Variants in ZC3H14 observed in about 807,000 individuals in gnomAD.
The protein encoded by ZC3H14 is zinc finger CCCH-type containing 14.
In ZC3H14, 31 loss-of-function variants were observed where a neutral mutation model predicts 92.4. That is an observed-to-expected ratio of 0.34 (90% confidence interval 0.25 to 0.45). The LOEUF (loss-of-function observed/expected upper bound fraction) is 0.45, where lower values mean the gene tolerates loss of function less well. Among genes scored for constraint, ZC3H14 ranks in the 20% least tolerant of loss-of-function variants. The probability of loss-of-function intolerance (pLI) is 1.00; values close to 1 mark genes in which losing one functional copy is unlikely to be tolerated. For synonymous variants in ZC3H14, 321 were observed against 300.9 expected (o/e 1.07, Z -0.69); for missense variants, 781 against 897.3 (o/e 0.87, Z 1.66).
chr14:88,565,822 C>T (rs1224487180), intron 2 of ZC3H14, among the ~76,000 whole-genome samples: 1 of 151,882 alleles, frequency 6.6e-6, no homozygotes, highest in Non-Finnish European at 1.5e-5. Context: ...GCACATAGAA[C>T]AAGATATATA....
intron 9 of ZC3H14, among the ~76,000 whole-genome samples, chr14:88,595,815 A>T (rs1264353116): frequency 6.6e-6 from 1 of 152,192 alleles, no homozygotes; most frequent in African/African-American, 2.4e-5. Context: ...CCTGTAATGG[A>T]TATACCCAAA....
Position 88,618,378 on chromosome 14 carries a change from A to G in ZC3H14, c.*6627A>G, listed in dbSNP as rs2088121977. ...GGACAAGAATTCCATTAGGTGAGAG[A>G]CAAAATCCACAGGGGGTTTACAGAA... On this transcript the variant is annotated 3_prime_UTR_variant, in exon 17 of 17. Transcript: ENST00000251038. The G allele has an allele frequency of 6.6e-7, 1 of 1,511,396 alleles. No individual in the cohort carries two copies. Among genetic ancestry groups the G allele is most frequent in the Non-Finnish European group, 9.2e-7 (1 of 1,090,934 alleles). The allele number at this position is 1,511,396 out of a possible 1,614,324, so 93.6% of individuals were successfully genotyped here.
At chr14:88,575,567 G>T (rs2081056560) in intron 7 of ZC3H14, among the ~76,000 whole-genome samples, 1 of 152,028 alleles carries the variant, frequency 6.6e-6, no homozygotes, top group African/African-American at 2.4e-5. Flanking sequence ...ATTGTGGCAG[G>T]CACCTGTAGT....
Position 88,610,824 on chromosome 14 carries a change from C to A in ZC3H14, c.2098-10C>A, listed in dbSNP as rs1310589939. The A allele has an allele frequency of 6.2e-7, 1 of 1,610,364 alleles. No homozygotes were observed. The highest frequency in any genetic ancestry group is 8.5e-7 in the Non-Finnish European group (1 of 1,176,654). ...GTGGATATTGTTGAAGCTCTGTTAT[C>A]TCTATTCAGCATTGTAGGTTTAACA... On this transcript the variant is annotated splice_polypyrimidine_tract_variant and intron_variant, in intron 15 of 16. Transcript: ENST00000251038.
At position 88,621,677 on chromosome 14, in the gene ZC3H14, CAATTTA is replaced by C. The variant is rs1391271483; in HGVS notation, c.*9928_*9933del. 5 of 273,102 alleles carry C rather than the reference CAATTTA, an allele frequency of 1.8e-5. No homozygotes were observed. Among genetic ancestry groups the C allele is most frequent in the African/African-American group, 1.1e-4 (5 of 45,290 alleles). 16.9% of individuals were successfully genotyped at this position (273,102 alleles called of 1,614,324 possible). A position where few individuals can be genotyped will look rare whatever the true frequency, so the allele number is the denominator to read the frequency against. On this transcript the variant is annotated 3_prime_UTR_variant, in exon 17 of 17. Transcript: ENST00000251038. The stretch of plus-strand genomic sequence containing the variant: ...TAGTTAAAAAGTAAAAGCTTAACTA[CAATTTA>C]ATATGCAGGCTGAAGATAATATCCG...
rs2089860054 is a variant in ZC3H14 at position 88,625,840 on chromosome 14, C to CT, written c.*14090dup. 1 of 152,168 alleles carries CT rather than the reference C, an allele frequency of 6.6e-6. No homozygotes were observed. Among genetic ancestry groups the CT allele is most frequent in the South Asian group, 2.1e-4 (1 of 4,830 alleles). The allele number at this position is 152,168 out of a possible 1,614,324, so 9.4% of individuals were successfully genotyped here. A position where few individuals can be genotyped will look rare whatever the true frequency, so the allele number is the denominator to read the frequency against. ...AAATATTCTAAAATTATAACTTTTC[C>CT]TATAAGTATTGCATAATCACAAAAA... On this transcript the variant is annotated 3_prime_UTR_variant, in exon 17 of 17. Coordinates refer to ENST00000251038, the MANE Select transcript of ZC3H14 (RefSeq NM_024824.5).
Position 88,622,799 on chromosome 14 carries a change from C to T in ZC3H14, c.*11048C>T. ...TTATAAACAAATACCAAGTTATAAG[C>T]AGAATCTTTTTTTTTTAAAAAGGCC... On this transcript the variant is annotated 3_prime_UTR_variant, in exon 17 of 17. Coordinates refer to ENST00000251038, the MANE Select transcript of ZC3H14 (RefSeq NM_024824.5). 1.1e-6 allele frequency: 1 copy of T among 890,048 alleles called. No individual in the cohort carries two copies. Among genetic ancestry groups the T allele is most frequent in the Non-Finnish European group, 1.5e-6 (1 of 661,114 alleles). 55.1% of individuals were successfully genotyped at this position (890,048 alleles called of 1,614,324 possible). A position where few individuals can be genotyped will look rare whatever the true frequency, so the allele number is the denominator to read the frequency against.
intron 9 of ZC3H14, among the ~76,000 whole-genome samples, chr14:88,585,568 G>A (rs896260945): frequency 1.4e-4 from 22 of 151,874 alleles, no homozygotes; most frequent in African/African-American, 5.3e-4. Context: ...ATAGAGACGA[G>A]GTTTCACCAT....
At position 88,615,963 on chromosome 14, in the gene ZC3H14, CT is replaced by C; in HGVS notation, c.*4215del. Reference sequence around the variant, plus strand: ...AGGTTACATGTGTAATATTTTTCCTCTTTAACTCCTTTTATTCTGTATTTGC... The same window carrying C: ...AGGTTACATGTGTAATATTTTTCCTCTTAACTCCTTTTATTCTGTATTTGC... On this transcript the variant is annotated 3_prime_UTR_variant, in exon 17 of 17. Coordinates refer to ENST00000251038, the MANE Select transcript of ZC3H14 (RefSeq NM_024824.5). The C allele has an allele frequency of 7.5e-7, 1 of 1,330,970 alleles. No homozygotes were observed. 82.4% of individuals were successfully genotyped at this position (1,330,970 alleles called of 1,614,324 possible). A position where few individuals can be genotyped will look rare whatever the true frequency, so the allele number is the denominator to read the frequency against.
In ZC3H14 at chr14:88,612,837, TTTAGAG is replaced by T. The variant is rs2140188977; in HGVS notation, c.*1090_*1095del. ...TGTTAAGGCAAGAAGTGTCAAATGC[TTTAGAG>T]TTAAATAACAGATCACTGATTTCAA... On this transcript the variant is annotated 3_prime_UTR_variant, in exon 17 of 17. Coordinates refer to ENST00000251038, the MANE Select transcript of ZC3H14 (RefSeq NM_024824.5). 6.5e-6 allele frequency: 1 copy of T among 152,742 alleles called. No homozygotes were observed. Among genetic ancestry groups the T allele is most frequent in the Non-Finnish European group, 1.5e-5 (1 of 68,040 alleles). 9.5% of individuals were successfully genotyped at this position (152,742 alleles called of 1,614,324 possible). A position where few individuals can be genotyped will look rare whatever the true frequency, so the allele number is the denominator to read the frequency against.
At position 88,626,575 on chromosome 14, in the gene ZC3H14, C is replaced by T. The variant is rs2089972796; in HGVS notation, c.*14824C>T. 4.6e-6 allele frequency: 2 copies of T among 430,600 alleles called. No homozygotes were observed. The highest frequency in any genetic ancestry group is 2.5e-5 in the South Asian group (1 of 39,380). 26.7% of individuals were successfully genotyped at this position (430,600 alleles called of 1,614,324 possible). ...GAGGCTACAGTGAGCTATAATCGCA[C>T]CATTGCACCCCAGCCCAGGCGACAG... On this transcript the variant is annotated 3_prime_UTR_variant, in exon 17 of 17. Transcript: ENST00000251038.
At position 88,621,761 on chromosome 14, in the gene ZC3H14, G is replaced by T; in HGVS notation, c.*10010G>T. 3.0e-6 allele frequency: 1 copy of T among 336,560 alleles called. No homozygotes were observed. The highest frequency in any genetic ancestry group is 5.9e-6 in the Non-Finnish European group (1 of 168,190). The allele number at this position is 336,560 out of a possible 1,614,324, so 20.8% of individuals were successfully genotyped here. ...ACAAACACGCTCAAAAATTTTCATA[G>T]GAGTTGTAGTTTTGAATTTTTATTT... On this transcript the variant is annotated 3_prime_UTR_variant, in exon 17 of 17. Transcript: ENST00000251038.
Position 88,616,074 on chromosome 14 carries a change from G to A in ZC3H14, c.*4323G>A. On this transcript the variant is annotated 3_prime_UTR_variant, in exon 17 of 17. Coordinates refer to ENST00000251038, the MANE Select transcript of ZC3H14 (RefSeq NM_024824.5). ...CTGATTTCATAAACCAAAGCTGTAG[G>A]AGTTGTTGTATTAAGTCTCTTAACT... is the stretch of plus-strand genomic sequence containing the variant. 6.6e-7 allele frequency: 1 copy of A among 1,515,916 alleles called. No homozygotes were observed. The allele number at this position is 1,515,916 out of a possible 1,614,324, so 93.9% of individuals were successfully genotyped here.
At chr14:88,599,595 A>G (rs1411114162) in intron 10 of ZC3H14, among the ~76,000 whole-genome samples, 3 of 152,064 alleles carry the variant, frequency 2.0e-5, no homozygotes, top group African/African-American at 7.2e-5. Context: ...GGGTTCCCAT[A>G]CTTTCTCCAA....
intron 9 of ZC3H14, chr14:88,589,852 G>T (rs140633152): frequency 0.015 from 2,300 of 152,856 alleles, 42 homozygotes; most frequent in South Asian, 0.076. Flanking sequence ...CTGTCTGGCC[G>T]GGTGCGGTGG....
intron 9 of ZC3H14, among the ~76,000 whole-genome samples, chr14:88,593,303 C>G (rs965212930): frequency 1.3e-5 from 2 of 152,110 alleles, no homozygotes; most frequent in African/African-American, 4.8e-5. Context: ...CAGTAGTCCC[C>G]AAGTTGATCT....
chr14:88,586,514 T>C (rs1459193760), intron 9 of ZC3H14: 2 of 152,236 alleles, frequency 1.3e-5, no homozygotes, highest in African/African-American at 2.4e-5. Flanking sequence ...CACTGTCTTC[T>C]GCTTTCCATT....
intron 12 of ZC3H14, 125 bp from the exon 13 acceptor site, chr14:88,607,118 T>G: frequency 6.8e-7 from 1 of 1,462,454 alleles, no homozygotes; most frequent in Non-Finnish European, 9.4e-7. Context: ...TTGAGCTCAC[T>G]TATTTTATAT....
intron 4 of ZC3H14, among the ~76,000 whole-genome samples, chr14:88,571,793 G>A (rs1010233794): frequency 2.6e-5 from 4 of 151,868 alleles, no homozygotes; most frequent in Admixed American, 6.6e-5. Context: ...GTGAATCTCC[G>A]TCTCTACTAA....
Sources: allele counts gnomAD v4.1 joint callset (sites outside exome capture counted in the v4.1 genomes callset), GRCh38; gene constraint gnomAD v4.1.1; transcripts MANE v1.5; gene names NCBI Gene and HGNC (gene_info 2026-07-23, HGNC 2026-07-21).